UNC5D: variants seen among roughly 807,000 people sequenced by gnomAD.
The protein encoded by UNC5D is unc-5 netrin receptor D.
UNC5D carries 39 observed loss-of-function variants against 105.4 expected under a neutral mutation model. That is an observed-to-expected ratio of 0.37 (90% confidence interval 0.29 to 0.48). The LOEUF (loss-of-function observed/expected upper bound fraction) is 0.48, where lower values mean the gene tolerates loss of function less well. UNC5D is among the 20% of genes least tolerant of loss of function. The pLI is 0.98. For synonymous variants in UNC5D, 452 were observed against 450.4 expected, an observed-to-expected ratio of 1.00 and a Z score of -0.04; for missense variants, 991 against 1,202.4, an observed-to-expected ratio of 0.82 and a Z score of 2.60.
intron 1 of UNC5D, among the ~76,000 whole-genome samples, chr8:35,280,500 G>A (rs1312091917): frequency 6.6e-6 from 1 of 152,104 alleles, no homozygotes; most frequent in Non-Finnish European, 1.5e-5. Context: ...ATTCTGTGTG[G>A]GTATTGTTGT....
At chr8:35,653,057 G>A (rs151220754) in intron 4 of UNC5D, among the ~76,000 whole-genome samples, 4 of 150,836 alleles carry the variant, frequency 2.7e-5, no homozygotes, top group East Asian at 2.0e-4. Context: ...AGCCTCCTGC[G>A]TAGCTGGGAA....
chr8:35,788,440 A>G (rs1259731279), intron 16 of UNC5D, among the ~76,000 whole-genome samples: 1 of 152,166 alleles, frequency 6.6e-6, no homozygotes, highest in Non-Finnish European at 1.5e-5. Flanking sequence ...CCCTATGAAG[A>G]ACAGTGACCT....
chr8:35,413,377 T>C (rs1489186827), intron 1 of UNC5D, among the ~76,000 whole-genome samples: 2 of 150,564 alleles, frequency 1.3e-5, no homozygotes, highest in African/African-American at 4.9e-5. Flanking sequence ...TTTTACAGAC[T>C]TTGAAAAAAA....
intron 4 of UNC5D, among the ~76,000 whole-genome samples, chr8:35,627,491 T>G (rs868225214): frequency 2.6e-5 from 4 of 152,186 alleles, no homozygotes; most frequent in Non-Finnish European, 4.4e-5. Context: ...TATGTTGGTC[T>G]TCTTCTGTCT....
intron 1 of UNC5D, among the ~76,000 whole-genome samples, chr8:35,507,914 A>T (rs907602394): frequency 2.0e-5 from 3 of 152,106 alleles, no homozygotes; most frequent in Non-Finnish European, 4.4e-5. Flanking sequence ...ATTAAAAATT[A>T]TTTTTTTAAA....
chr8:35,290,597 T>C (rs1417966362), intron 1 of UNC5D, among the ~76,000 whole-genome samples: 1 of 152,126 alleles, frequency 6.6e-6, no homozygotes, highest in Non-Finnish European at 1.5e-5. Flanking sequence ...TAGTCAATAA[T>C]AATGTATTAT....
chr8:35,425,205 A>T (rs1208313782), intron 1 of UNC5D, among the ~76,000 whole-genome samples: 1 of 152,246 alleles, frequency 6.6e-6, no homozygotes, highest in Non-Finnish European at 1.5e-5. Context: ...AAGAAAAAAG[A>T]AATTGTTGCT....
chr8:35,445,525 C>G (rs1227601051), intron 1 of UNC5D, among the ~76,000 whole-genome samples: 2 of 151,922 alleles, frequency 1.3e-5, no homozygotes, highest in African/African-American at 4.8e-5. Flanking sequence ...CTATTATGTG[C>G]CATTTTAATT....
intron 2 of UNC5D, among the ~76,000 whole-genome samples, chr8:35,556,922 C>T (rs776321702): frequency 2.0e-4 from 30 of 152,184 alleles, no homozygotes; most frequent in Non-Finnish European, 2.1e-4. Context: ...GGTTTGAACA[C>T]CTTTGATAGT....
intron 1 of UNC5D, among the ~76,000 whole-genome samples, chr8:35,337,423 A>T (rs1308516028): frequency 6.6e-6 from 1 of 152,204 alleles, no homozygotes; most frequent in Non-Finnish European, 1.5e-5. Context: ...CCATTCTGAC[A>T]TAAAAAAGTA....
In UNC5D at chr8:35,456,877, T is replaced by C. The variant is rs543964066; in HGVS notation, c.104-92415T>C. 6.6e-5 allele frequency among the ~76,000 whole-genome samples: 10 copies of C among 152,310 alleles called. No homozygotes were observed. In the East Asian group the frequency reaches 1.9e-3, roughly 29 times the overall value. On this transcript the variant is annotated intron_variant, in intron 1 of 16. Coordinates refer to ENST00000404895, the MANE Select transcript of UNC5D (RefSeq NM_080872.4). ...TTATACGATGGATATTGGACTGTTT[T>C]TGGAGGAGTTACAAGATCACATGCA... is the stretch of plus-strand genomic sequence containing the variant.
In UNC5D at chr8:35,305,579, T is replaced by C. The variant is rs6999431; in HGVS notation, c.103+69692T>C. Among the ~76,000 whole-genome samples the C allele has an allele frequency of 9.0e-3, 803 of 89,034 alleles. 9 individuals carry two copies. Among genetic ancestry groups the C allele is most frequent in the Middle Eastern group, 0.027 (4 of 148 alleles). 58.4% of individuals were successfully genotyped at this position (89,034 alleles called of 152,430 possible). On this transcript the variant is annotated intron_variant, in intron 1 of 16. Transcript: ENST00000404895. ...TCTTCCTTCCTTTCTTTCTTTCTTT[T>C]TCTTTCTTTCTTTCTTTCTTTCTTT...
intron 3 of UNC5D, among the ~76,000 whole-genome samples, chr8:35,571,955 T>C (rs1319823969): frequency 6.6e-6 from 1 of 152,170 alleles, no homozygotes; most frequent in Non-Finnish European, 1.5e-5. Context: ...TTATGTTTCC[T>C]GCGTTTAAAC....
intron 4 of UNC5D, among the ~76,000 whole-genome samples, chr8:35,655,499 T>G (rs1823670353): frequency 6.6e-6 from 1 of 152,246 alleles, no homozygotes; most frequent in Admixed American, 6.5e-5. Flanking sequence ...TGATCCTTTC[T>G]GCATTTATTC....
At chr8:35,296,640 C>A (rs1028441991) in intron 1 of UNC5D, among the ~76,000 whole-genome samples, 6 of 152,088 alleles carry the variant, frequency 3.9e-5, no homozygotes, top group Non-Finnish European at 8.8e-5. Context: ...AGGCTGGTCT[C>A]GAACTCCTGA....
chr8:35,320,967 T>C (rs1478864973), intron 1 of UNC5D, among the ~76,000 whole-genome samples: 1 of 152,282 alleles, frequency 6.6e-6, no homozygotes, highest in Non-Finnish European at 1.5e-5. Flanking sequence ...CTCTCCTGAT[T>C]TGTCCTTTTT....
intron 4 of UNC5D, among the ~76,000 whole-genome samples, chr8:35,660,431 G>T (rs577528875): frequency 1.6e-3 from 249 of 152,256 alleles, no homozygotes; most frequent in African/African-American, 5.4e-3. Context: ...GGTATTTAAT[G>T]TTGCCACATG....
intron 4 of UNC5D, among the ~76,000 whole-genome samples, chr8:35,628,651 A>G (rs1427647373): frequency 2.6e-5 from 4 of 152,230 alleles, no homozygotes; most frequent in Non-Finnish European, 5.9e-5. Context: ...TGGATTAGGT[A>G]TTAAATTACT....
chr8:35,330,707 CTT>C (rs944071415), intron 1 of UNC5D, among the ~76,000 whole-genome samples: 1 of 152,158 alleles, frequency 6.6e-6, no homozygotes, highest in Non-Finnish European at 1.5e-5. Flanking sequence ...ACGAGCCTGA[CTT>C]TGATTACCAT....
Sources: allele counts gnomAD v4.1 joint callset (sites outside exome capture counted in the v4.1 genomes callset), GRCh38; gene constraint gnomAD v4.1.1; transcripts MANE v1.5; gene names NCBI Gene and HGNC (gene_info 2026-07-23, HGNC 2026-07-21).